Variants in CABIN1 observed in about 807,000 individuals in gnomAD.
The protein encoded by CABIN1 is calcineurin binding protein 1.
A neutral mutation model predicts 227.7 loss-of-function variants in CABIN1; 133 were observed. That is an observed-to-expected ratio of 0.58 (90% CI 0.51 to 0.67). CABIN1 has a LOEUF of 0.67. Ranked by LOEUF, CABIN1 falls within the 30% of genes least tolerant of loss-of-function variation. CABIN1 has a pLI of 0.00. For missense variants in CABIN1, 2,408 were observed against 2,852.5 expected, an observed-to-expected ratio of 0.84 and a Z score of 3.55; for synonymous variants, 1,086 against 1,155.1, an observed-to-expected ratio of 0.94 and a Z score of 1.21.
chr22:24,158,099 G>A (rs962586778), intron 29 of CABIN1, among the ~76,000 whole-genome samples: 1 of 152,254 alleles, frequency 6.6e-6, no homozygotes, highest in Non-Finnish European at 1.5e-5. Flanking sequence ...TCCACCAGGG[G>A]AACGGGCTCT....
chr22:24,084,445 G>C, intron 20 of CABIN1, 134 bp from the exon 21 acceptor site: 1 of 808,348 alleles, frequency 1.2e-6, no homozygotes. Flanking sequence ...GTATAATGGG[G>C]ATTTGTTTTA....
intron 29 of CABIN1, among the ~76,000 whole-genome samples, chr22:24,137,318 A>G (rs1344051985): frequency 2.0e-5 from 3 of 152,200 alleles, no homozygotes; most frequent in Non-Finnish European, 4.4e-5. Context: ...AGCACATCCA[A>G]GTTGGCAGCC....
chr22:24,160,363 G>A (rs2046080358), intron 29 of CABIN1: 1 of 152,192 alleles, frequency 6.6e-6, no homozygotes, highest in African/African-American at 2.4e-5. Context: ...CTTTGCCTGT[G>A]CCCTAGAAGT....
At chr22:24,012,534 G>A (rs1943207169) in intron 1 of CABIN1, among the ~76,000 whole-genome samples, 1 of 152,148 alleles carries the variant, frequency 6.6e-6, no homozygotes, top group African/African-American at 2.4e-5. Context: ...CCACCTTCCA[G>A]GCCAGGAAAC....
At chr22:24,055,418 A>G (rs1349699669) in intron 9 of CABIN1, among the ~76,000 whole-genome samples, 6 of 152,210 alleles carry the variant, frequency 3.9e-5, no homozygotes, top group Non-Finnish European at 7.3e-5. Flanking sequence ...GGTCCTTGAC[A>G]GTTCCCCCAG....
At chr22:24,016,348 C>T (rs886934691) in intron 1 of CABIN1, among the ~76,000 whole-genome samples, 3 of 152,138 alleles carry the variant, frequency 2.0e-5, no homozygotes, top group African/African-American at 7.2e-5. Flanking sequence ...AATAATATTC[C>T]ATTTTATGGA....
At chr22:24,017,499 T>A (rs543470509) in intron 1 of CABIN1, among the ~76,000 whole-genome samples, 2 of 152,198 alleles carry the variant, frequency 1.3e-5, no homozygotes, top group Non-Finnish European at 2.9e-5. Context: ...TTCCCTCCCC[T>A]AGCCCTGTGG....
Position 24,036,111 on chromosome 22 carries a change from C to T in CABIN1, c.26C>T (p.Ala9Val), listed in dbSNP as rs757234329. 1 of 1,613,790 alleles carries T rather than the reference C, an allele frequency of 6.2e-7. No individual in the cohort carries two copies. Among genetic ancestry groups the T allele is most frequent in the Admixed American group, 1.7e-5 (1 of 60,010 alleles). The change falls in exon 3 of 37, where the codon GCC becomes GTC. Residue 9 changes from alanine to valine, a missense_variant. Transcript: ENST00000263119. MIRIAALN[A>V]SSTIEDDHEG... ...TAGATTCGAATTGCAGCCTTAAATGCCAGCTCCACCATTGAGGATGATCAT... is the reference window on the plus strand; with the variant it reads ...TAGATTCGAATTGCAGCCTTAAATGTCAGCTCCACCATTGAGGATGATCAT...
At chr22:24,151,135 C>G (rs1035001002) in intron 29 of CABIN1, among the ~76,000 whole-genome samples, 7 of 152,150 alleles carry the variant, frequency 4.6e-5, no homozygotes, top group Non-Finnish European at 1.0e-4. Flanking sequence ...TGCCTAGGAC[C>G]TCACCTCTGG....
At chr22:24,138,649 A>C (rs979642345) in intron 29 of CABIN1, among the ~76,000 whole-genome samples, 5 of 152,236 alleles carry the variant, frequency 3.3e-5, no homozygotes, top group African/African-American at 1.2e-4. Context: ...AGGAGGGTAC[A>C]GGGAAGGCTC....
At chr22:24,037,204 G>A (rs1601718440) in intron 3 of CABIN1, among the ~76,000 whole-genome samples, 1 of 148,172 alleles carries the variant, frequency 6.7e-6, no homozygotes, top group South Asian at 2.1e-4. Context: ...AGGTTGCAGC[G>A]AGCTGAGATC....
chr22:24,054,470 G>C (rs958779967), intron 8 of CABIN1, among the ~76,000 whole-genome samples: 6 of 152,180 alleles, frequency 3.9e-5, no homozygotes, highest in African/African-American at 1.4e-4. Flanking sequence ...CAGGCTCTCC[G>C]CATAAAACAG....
chr22:24,065,688 C>T (rs548072847), intron 15 of CABIN1, among the ~76,000 whole-genome samples: 17 of 152,374 alleles, frequency 1.1e-4, no homozygotes, highest in South Asian at 2.1e-4. Flanking sequence ...GCCGAGATCA[C>T]GCCATTGCAC....
intron 19 of CABIN1, among the ~76,000 whole-genome samples, chr22:24,080,384 G>A (rs2040728730): frequency 6.6e-6 from 1 of 152,230 alleles, no homozygotes; most frequent in South Asian, 2.1e-4. Context: ...ACCATTGTAC[G>A]ATCACTCTGT....
chr22:24,136,725 TCACA>T (rs765709835), intron 29 of CABIN1, among the ~76,000 whole-genome samples: 11 of 143,416 alleles, frequency 7.7e-5, no homozygotes, highest in East Asian at 2.1e-4. Context: ...AAACAATACA[TCACA>T]CACACACACG....
intron 14 of CABIN1, among the ~76,000 whole-genome samples, chr22:24,063,417 C>T (rs1439067898): frequency 6.6e-6 from 1 of 152,208 alleles, no homozygotes; most frequent in Non-Finnish European, 1.5e-5. Context: ...ATTTGCTCTG[C>T]CTCTACCTCC....
intron 24 of CABIN1, among the ~76,000 whole-genome samples, chr22:24,093,522 G>C (rs1411044912): frequency 3.3e-5 from 5 of 150,534 alleles, no homozygotes; most frequent in African/African-American, 1.2e-4. Flanking sequence ...CAGCCTGGGT[G>C]ACAGAGTGAG....
intron 18 of CABIN1, among the ~76,000 whole-genome samples, chr22:24,074,932 C>T (rs1176597979): frequency 6.6e-6 from 1 of 152,222 alleles, no homozygotes; most frequent in Non-Finnish European, 1.5e-5. Flanking sequence ...GTGGCTCACT[C>T]CTGTAATTCC....
At chr22:24,042,164 C>T (rs1392528976) in intron 5 of CABIN1, among the ~76,000 whole-genome samples, 7 of 152,200 alleles carry the variant, frequency 4.6e-5, no homozygotes, top group Admixed American at 4.6e-4. Context: ...CCATGTTACC[C>T]AGGCTGCTCT....
Sources: gnomAD v4.1 joint callset for allele counts (sites outside exome capture counted in the v4.1 genomes callset) on GRCh38, gnomAD v4.1.1 for gene constraint, MANE v1.5 for transcripts, NCBI Gene and HGNC (gene_info 2026-07-23, HGNC 2026-07-21) for gene names.